Variants in USP9Y observed in about 807,000 individuals in gnomAD.
The protein encoded by USP9Y is ubiquitin carboxyl-terminal hydrolase 9Y.
A neutral mutation model predicts 53.1 loss-of-function variants in USP9Y; 41 were observed. That is an observed-to-expected ratio of 0.77 (90% CI 0.60 to 1.00). The LOEUF (loss-of-function observed/expected upper bound fraction) is 1.00, where lower values mean the gene tolerates loss of function less well. Among genes scored for constraint, USP9Y ranks in the 50% least tolerant of loss-of-function variants. The pLI, the probability that USP9Y is intolerant of heterozygous loss-of-function variation, is 0.00. For synonymous variants in USP9Y, 220 were observed against 173.7 expected (o/e 1.27, Z -2.09); for missense variants, 567 against 535.8 (o/e 1.06, Z -0.58).
At chrY:12,833,512 G>A (rs900049767) in intron 33 of USP9Y, among the ~76,000 whole-genome samples, 176 bp from the exon 34 acceptor site, 1 of 33,612 alleles carries the variant, frequency 3.0e-5, no homozygotes, top group African/African-American at 1.2e-4. Context: ...TGACACTGTA[G>A]TATCATTATT....
chrY:12,702,371 A>G (rs2053416696), intron 1 of USP9Y, among the ~76,000 whole-genome samples: 2 of 33,696 alleles, frequency 5.9e-5, no homozygotes, highest in Admixed American at 5.4e-4. Context: ...ACAATGGCTT[A>G]CTCACATGAT....
intron 40 of USP9Y, 30 bp from the exon 41 acceptor site, chrY:12,846,903 G>T: frequency 9.4e-6 from 3 of 319,890 alleles, no homozygotes; most frequent in Non-Finnish European, 1.4e-5. Context: ...GAATTCTATT[G>T]GTTTTTCATT....
chrY:12,811,610 G>T, intron 29 of USP9Y, 25 bp from the exon 30 acceptor site: 1 of 395,623 alleles, frequency 2.5e-6, no homozygotes, highest in Non-Finnish European at 3.6e-6. Flanking sequence ...TGTGAGTTGG[G>T]CCTATAATAT....
At chrY:12,760,992 C>T in intron 15 of USP9Y, among the ~76,000 whole-genome samples, 11 of 34,329 alleles carry the variant, frequency 3.2e-4, no homozygotes, top group Non-Finnish European at 8.0e-4. Flanking sequence ...AACGGAGTCT[C>T]ACTCTGTGGC....
chrY:12,858,945 C>T (rs2053580332), intron 45 of USP9Y, among the ~76,000 whole-genome samples: 1 of 32,885 alleles, frequency 3.0e-5, no homozygotes, highest in Non-Finnish European at 7.4e-5. Flanking sequence ...AACTCCTGAA[C>T]TTGTGATCCG....
intron 15 of USP9Y, among the ~76,000 whole-genome samples, chrY:12,765,423 A>G (rs762720153): frequency 3.0e-5 from 1 of 33,038 alleles, no homozygotes; most frequent in Admixed American, 2.7e-4. Flanking sequence ...AAATGTTTCT[A>G]TACAACAGGG....
rs771222637 is a variant in USP9Y at position 12,736,500 on chromosome Y, G to A, written c.1115G>A (p.Arg372Gln). 5.0e-6 allele frequency: 2 copies of A among 396,584 alleles called. No individual in the cohort carries two copies. Among genetic ancestry groups the A allele is most frequent in the Non-Finnish European group, 7.1e-6 (2 of 281,960 alleles). Reference protein sequence around the residue: ...VISSVSYYTHRHSNPEEEEWL... With the variant: ...VISSVSYYTHQHSNPEEEEWL... ...TCTAGTGTATCATATTATACTCATC[G>A]GCATAGTAATCCTGAGGAGGAAGAA... Residue 372 changes from arginine (R) to glutamine (Q), a missense_variant, in exon 10 of 46, where the codon CGG (arginine) becomes CAG (glutamine). Physicochemically the swap from Arg to Gln is conservative, Grantham distance 43. Transcript: ENST00000338981.
intron 24 of USP9Y, 99 bp from the exon 25 acceptor site, chrY:12,790,308 G>A: frequency 4.3e-6 from 1 of 234,843 alleles, no homozygotes; most frequent in Non-Finnish European, 7.0e-6. Flanking sequence ...CGAGGAAGTG[G>A]TGATGGATGA....
chrY:12,710,284 T>A (rs2053423673), intron 3 of USP9Y, among the ~76,000 whole-genome samples: 1 of 33,853 alleles, frequency 3.0e-5, no homozygotes, highest in Non-Finnish European at 7.3e-5. Context: ...GCTGACCTAT[T>A]TGGAAATAAT....
At chrY:12,757,512 A>C (rs2053470093) in intron 13 of USP9Y, 114 bp downstream of exon 13, 1 of 214,987 alleles carries the variant, frequency 4.7e-6, no homozygotes, top group Non-Finnish European at 7.6e-6. Flanking sequence ...TTTGAGACAG[A>C]GTCTCGCTCT....
Position 12,731,219 on chromosome Y carries a change from A to G in USP9Y, c.658-4393A>G, listed in dbSNP as rs770337655. ...GTTTTTTGTTTCTCAATATATATAT[A>G]ATTTTCACTATTCTTAGTCTGTTAA... On this transcript the variant is annotated intron_variant, in intron 7 of 45. Coordinates refer to ENST00000338981, the MANE Select transcript of USP9Y (RefSeq NM_004654.4). Among the ~76,000 whole-genome samples the G allele has an allele frequency of 1.1e-3, 37 of 32,913 alleles. No homozygotes were observed. The South Asian group carries it at 0.025, about 23-fold the overall frequency. The allele number at this position is 32,913 out of a possible 37,273, so 88.3% of individuals were successfully genotyped here.
At chrY:12,809,321 C>T (rs753188818) in intron 27 of USP9Y, among the ~76,000 whole-genome samples, 1 of 32,570 alleles carries the variant, frequency 3.1e-5, no homozygotes, top group African/African-American at 1.2e-4. Flanking sequence ...ACTGTCTCTC[C>T]AGAAAATTGT....
chrY:12,781,916 C>T (rs962873985), intron 22 of USP9Y, among the ~76,000 whole-genome samples: 4 of 33,643 alleles, frequency 1.2e-4, no homozygotes, highest in Non-Finnish European at 2.2e-4. Context: ...TCCCATGAAT[C>T]GTGAATGTTC....
chrY:12,787,343 T>C, intron 24 of USP9Y, among the ~76,000 whole-genome samples: 1 of 33,993 alleles, frequency 2.9e-5, no homozygotes, highest in Non-Finnish European at 7.3e-5. Flanking sequence ...TGCTTGAAGA[T>C]AAAATGGTTC....
At chrY:12,822,860 T>G in intron 33 of USP9Y, among the ~76,000 whole-genome samples, 1 of 33,182 alleles carries the variant, frequency 3.0e-5, no homozygotes, top group East Asian at 7.9e-4. Flanking sequence ...TTGCATCTTT[T>G]TTTGTTTGTT....
rs201397968 is a variant in USP9Y at position 12,836,606 on chromosome Y, A to T, written c.5196-1305A>T. Among the ~76,000 whole-genome samples the T allele has an allele frequency of 2.1e-3, 73 of 34,112 alleles. No individual in the cohort carries two copies. In the East Asian group the frequency reaches 0.053, roughly 25 times the overall value. The allele number at this position is 34,112 out of a possible 37,273, so 91.5% of individuals were successfully genotyped here. A position where few individuals can be genotyped will look rare whatever the true frequency, so the allele number is the denominator to read the frequency against. On this transcript the variant is annotated intron_variant, in intron 34 of 45. Coordinates refer to ENST00000338981, the MANE Select transcript of USP9Y (RefSeq NM_004654.4). Reference sequence around the variant, plus strand: ...AAGCAACTGATAAAAGATATTACTTATTAATAACATTGTATGATTAATATA... The same window carrying T: ...AAGCAACTGATAAAAGATATTACTTTTTAATAACATTGTATGATTAATATA...
rs201749128 is a variant in USP9Y at position 12,847,092 on chromosome Y, G to A, written c.6914G>A (p.Arg2305His). 16 of 396,979 alleles carry A rather than the reference G, an allele frequency of 4.0e-5. No individual in the cohort carries two copies. Among genetic ancestry groups the A allele is most frequent in the Admixed American group, 7.6e-5 (1 of 13,195 alleles). ...TCAGAGGATACCATCAAATTACTTC[G>A]CTTTTGCTCTTGGGAGAATCCTCAG... Reference protein sequence around the residue: ...SNSEDTIKLLRFCSWENPQFS... With the variant: ...SNSEDTIKLLHFCSWENPQFS... The change falls in exon 41 of 46, where the codon CGC (arginine) becomes CAC (histidine). Residue 2305 changes from arginine to histidine, a missense_variant. Arg to His is a conservative substitution (Grantham distance 29). Transcript: ENST00000338981.
chrY:12,767,799 C>T (rs2053481653), intron 15 of USP9Y, among the ~76,000 whole-genome samples: 2 of 32,717 alleles, frequency 6.1e-5, no homozygotes, highest in African/African-American at 2.4e-4. Context: ...CCTCTGGTGT[C>T]ATTCATTGTT....
chrY:12,751,778 G>A (rs763717704), intron 12 of USP9Y, among the ~76,000 whole-genome samples: 2 of 33,653 alleles, frequency 5.9e-5, no homozygotes, highest in African/African-American at 2.3e-4. Context: ...GTTGAGTGAT[G>A]CTTTCTTGCA....
Sources: allele counts gnomAD v4.1 joint callset (sites outside exome capture counted in the v4.1 genomes callset), GRCh38; gene constraint gnomAD v4.1.1; transcripts MANE v1.5; gene names NCBI Gene and HGNC (gene_info 2026-07-23, HGNC 2026-07-21).